Variants in RTL5 observed in about 807,000 individuals in gnomAD.
The protein encoded by RTL5 is retrotransposon Gag-like protein 5.
In RTL5, 8 loss-of-function variants were observed where a neutral mutation model predicts 7.7. That is an observed-to-expected ratio of 1.04 (90% CI 0.61 to 1.88). RTL5 has a LOEUF of 1.88. RTL5 is among the 40% of genes most tolerant of loss of function. The probability of loss-of-function intolerance (pLI) is 0.00; values close to 1 mark genes in which losing one functional copy is unlikely to be tolerated. For missense variants in RTL5, 457 were observed against 472.7 expected, an observed-to-expected ratio of 0.97 and a Z score of 0.31; for synonymous variants, 188 against 191.8, an observed-to-expected ratio of 0.98 and a Z score of 0.16.
Position 72,131,205 on chromosome X carries a change from G to T in RTL5, c.336C>A (p.Ser112Arg), listed in dbSNP as rs199597770. 2,019 of 1,196,063 alleles carry T rather than the reference G, an allele frequency of 1.7e-3. 8 individuals are homozygous for T. Among genetic ancestry groups the T allele is most frequent in the South Asian group, 0.011 (630 of 55,568 alleles). Residue 112 changes from serine to arginine, a missense_variant, in exon 1 of 1, where the codon AGC (serine) becomes AGA (arginine). Transcript: ENST00000609883. ...GGGGGTCAGCGGGCCCGTCGGGGGT[G>T]CTGCGATCCTGGATCACGTTAATCA...
chrX:72,130,867 C>G lies in RTL5; in HGVS notation c.674G>C (p.Arg225Pro). ...GGGGATGGGGCCACAGAATTCCTTA[C>G]GGATTTCATCCAGGAAGCGCGGGAA... The change falls in exon 1 of 1, where the codon CGT becomes CCT. Residue 225 changes from arginine (R) to proline (P), a missense_variant. Coordinates refer to ENST00000609883, the Ensembl canonical transcript of RTL5. 3.3e-6 allele frequency: 4 copies of G among 1,211,724 alleles called. No homozygotes were observed. The highest frequency in any genetic ancestry group is 4.5e-6 in the Non-Finnish European group (4 of 895,397).
At chrX:72,129,654 C>T (rs886085513) in exon 1 of RTL5, 9 of 475,814 alleles carry the variant, frequency 1.9e-5, no homozygotes, top group Non-Finnish European at 2.4e-5. Context: ...GTTGGGCACA[C>T]GTCGCTCTCT....
exon 1 of RTL5, chrX:72,130,091 G>T (rs1180041967): frequency 8.3e-7 from 1 of 1,208,788 alleles, no homozygotes; most frequent in Non-Finnish European, 1.1e-6. Context: ...CCACTTGTGG[G>T]GCCAGAAGTC....
rs779732468 is a variant in RTL5, at chrX:72,131,309, C to A, written c.232G>T (p.Val78Phe). The A allele has an allele frequency of 8.3e-7, 1 of 1,200,493 alleles. No homozygotes were observed. The highest frequency in any genetic ancestry group is 1.8e-5 in the South Asian group (1 of 55,097). The change falls in exon 1 of 1, where the codon GTC becomes TTC. Residue 78 changes from valine (V) to phenylalanine (F), a missense_variant. Coordinates refer to ENST00000609883, the Ensembl canonical transcript of RTL5. Reference sequence around the variant, plus strand: ...AAGGGCAGTTCTCCCCCGGGAATGACTTCGATCTCACTGAGCGCGAACTCC... The same window carrying A: ...AAGGGCAGTTCTCCCCCGGGAATGAATTCGATCTCACTGAGCGCGAACTCC...
exon 1 of RTL5, chrX:72,131,485 C>A (rs747956402): frequency 4.2e-6 from 5 of 1,204,774 alleles, no homozygotes; most frequent in Non-Finnish European, 5.6e-6. Context: ...TAATTCTTCG[C>A]GCAGGGCCAC....
exon 1 of RTL5, chrX:72,130,194 A>G: frequency 8.3e-7 from 1 of 1,209,363 alleles, no homozygotes; most frequent in Non-Finnish European, 1.1e-6. Context: ...CCTCCACCTC[A>G]CCATAGGTCT....
chrX:72,130,198 T>A, exon 1 of RTL5: 1 of 1,210,931 alleles, frequency 8.3e-7, no homozygotes, highest in Non-Finnish European at 1.1e-6. Context: ...CACCTCACCA[T>A]AGGTCTCCTC....
At chrX:72,131,708 G>A (rs1331929697) in exon 1 of RTL5, 6 of 395,480 alleles carry the variant, frequency 1.5e-5, no homozygotes, top group African/African-American at 2.7e-5. Context: ...CTCGGAGGGC[G>A]GCGCTCTGGG....
chrX:72,131,377 C>T (rs765450814), exon 1 of RTL5: 2 of 1,210,220 alleles, frequency 1.7e-6, no homozygotes, highest in East Asian at 5.9e-5. Flanking sequence ...TACTGGCCAG[C>T]GGATGTAGCT....
At chrX:72,131,695 G>T in exon 1 of RTL5, 1 of 461,054 alleles carries the variant, frequency 2.2e-6, no homozygotes, top group Non-Finnish European at 3.3e-6. Context: ...CCACCGGGGC[G>T]AGCTCGGAGG....
At chrX:72,130,308 C>T (rs1282977944) in exon 1 of RTL5, 3 of 1,181,385 alleles carry the variant, frequency 2.5e-6, no homozygotes, top group Admixed American at 4.4e-5. Flanking sequence ...CATTCTTGTT[C>T]CTTATCTCCT....
At chrX:72,131,418 G>C (rs1402016799) in exon 1 of RTL5, 5 of 1,209,261 alleles carry the variant, frequency 4.1e-6, no homozygotes, top group Non-Finnish European at 5.6e-6. Flanking sequence ...AATTAACCTC[G>C]GCCAGGGCTC....
chrX:72,129,773 G>A, exon 1 of RTL5: 1 of 1,086,440 alleles, frequency 9.2e-7, no homozygotes, highest in South Asian at 2.1e-5. Flanking sequence ...GGCAGCAATA[G>A]CAGGGGCGGG....
chrX:72,130,439 C>T lies in RTL5; in HGVS notation c.1102G>A (p.Ala368Thr), dbSNP rs1223388909. The T allele has an allele frequency of 2.5e-6, 3 of 1,203,588 alleles. No individual in the cohort carries two copies. In the African/African-American group the frequency reaches 5.3e-5, roughly 21 times the overall value. The stretch of plus-strand genomic sequence containing the variant: ...TTCTCCTTCATCTCTTGCTGAAAAG[C>T]CCTCATGCGCTTCCTCTGGTCCTTG... Residue 368 changes from alanine to threonine, a missense_variant, in exon 1 of 1, where the codon GCT becomes ACT. Physicochemically the swap from Ala to Thr is moderately conservative, Grantham distance 58. Coordinates refer to ENST00000609883, the Ensembl canonical transcript of RTL5.
exon 1 of RTL5, chrX:72,130,179 C>T: frequency 8.3e-7 from 1 of 1,210,866 alleles, no homozygotes; most frequent in African/African-American, 1.7e-5. Context: ...CATCCAGTGG[C>T]TCCTCCTCCA....
chrX:72,129,564 C>G, exon 1 of RTL5: 1 of 343,747 alleles, frequency 2.9e-6, no homozygotes, highest in Non-Finnish European at 5.0e-6. Flanking sequence ...GAAACTTGCT[C>G]TCCAGCTCGT....
At chrX:72,130,181 C>G in exon 1 of RTL5, 2 of 1,210,544 alleles carry the variant, frequency 1.7e-6, no homozygotes, top group Non-Finnish European at 2.2e-6. Flanking sequence ...TCCAGTGGCT[C>G]CTCCTCCACC....
chrX:72,130,672 C>G, exon 1 of RTL5: 2 of 1,211,903 alleles, frequency 1.7e-6, no homozygotes, highest in Non-Finnish European at 2.2e-6. Context: ...TTCTGTTGAC[C>G]ATAAGAGCTC....
At chrX:72,131,275 C>T in exon 1 of RTL5, 1 of 1,200,622 alleles carries the variant, frequency 8.3e-7, no homozygotes, top group Non-Finnish European at 1.1e-6. Context: ...TGGGGGAGGC[C>T]GGCACAAGAA....
Sources: gnomAD v4.1 joint callset for allele counts on GRCh38, gnomAD v4.1.1 for gene constraint, MANE v1.5 for transcripts, NCBI Gene and HGNC (gene_info 2026-07-23, HGNC 2026-07-21) for gene names.